Variants in SLFN11 observed in about 807,000 individuals in gnomAD.
SLFN11 encodes the protein schlafen family member 11.
Under a neutral mutation model 53.4 loss-of-function variants are expected in SLFN11, and 43 were observed. The ratio of observed to expected loss-of-function variants is 0.80; its 90% CI spans 0.63 to 1.04. The LOEUF (loss-of-function observed/expected upper bound fraction) is 1.04. Ranked by LOEUF, SLFN11 falls within the 50% of genes least tolerant of loss-of-function variation. The pLI, the probability that SLFN11 is intolerant of heterozygous loss-of-function variation, is 0.00. For missense variants in SLFN11, 990 were observed against 1,079.1 expected (o/e 0.92, Z 1.16); for synonymous variants, 389 against 394.7 (o/e 0.99, Z 0.17).
At chr17:35,354,152 A>C in intron 5 of SLFN11, 93 bp from the exon 6 acceptor site, 1 of 1,117,522 alleles carries the variant, frequency 8.9e-7, no homozygotes. Flanking sequence ...TAACTAAATG[A>C]TTACTTATAG....
At chr17:35,363,858 C>T (rs1297081287) in intron 3 of SLFN11, 32 bp from the exon 4 acceptor site, 6 of 1,459,014 alleles carry the variant, frequency 4.1e-6, no homozygotes, top group East Asian at 2.3e-5. Context: ...TACATGCATG[C>T]AATTCATTTA....
In SLFN11 at chr17:35,351,856, C is replaced by T. The variant is rs1906725211; in HGVS notation, c.*500G>A. 1.3e-5 allele frequency: 2 copies of T among 156,930 alleles called. No individual in the cohort carries two copies. The highest frequency in any genetic ancestry group is 3.8e-4 in the South Asian group (2 of 5,234). The allele number at this position is 156,930 out of a possible 1,614,324, so 9.7% of individuals were successfully genotyped here. A position where few individuals can be genotyped will look rare whatever the true frequency, so the allele number is the denominator to read the frequency against. ...GAATTATCTTCGGACTCTCCCAAGC[C>T]CTAAATGAATACAGCAAAGATAAAT... On this transcript the variant is annotated 3_prime_UTR_variant, in exon 7 of 7. Coordinates refer to ENST00000685675, the MANE Select transcript of SLFN11 (RefSeq NM_001376007.1).
At position 35,352,100 on chromosome 17, in the gene SLFN11, C is replaced by T; in HGVS notation, c.*256G>A. The T allele has an allele frequency of 1.8e-6, 1 of 553,404 alleles. No homozygotes were observed. The allele number at this position is 553,404 out of a possible 1,614,324, so 34.3% of individuals were successfully genotyped here. A position where few individuals can be genotyped will look rare whatever the true frequency, so the allele number is the denominator to read the frequency against. ...ATGCAAGACACAGATCGGCATTGTG[C>T]AGGACAGCTAAAGTTCCTTTAGAAA... is the stretch of plus-strand genomic sequence containing the variant. On this transcript the variant is annotated 3_prime_UTR_variant, in exon 7 of 7. Coordinates refer to ENST00000685675, the MANE Select transcript of SLFN11 (RefSeq NM_001376007.1).
rs1405365030 is a variant in SLFN11 at position 35,351,076 on chromosome 17, T to C, written c.*1280A>G. Reference sequence around the variant, plus strand: ...GAGAAGCTGAAACAACAGAAATTTGTTTCTCACAGTCTGGAGGCTGGAAGT... The same window carrying C: ...GAGAAGCTGAAACAACAGAAATTTGCTTCTCACAGTCTGGAGGCTGGAAGT... On this transcript the variant is annotated 3_prime_UTR_variant, in exon 7 of 7. Coordinates refer to ENST00000685675, the MANE Select transcript of SLFN11 (RefSeq NM_001376007.1). The C allele has an allele frequency of 2.6e-5, 4 of 152,202 alleles. No individual in the cohort carries two copies. The East Asian group carries it at 7.7e-4, about 29-fold the overall frequency. 9.4% of individuals were successfully genotyped at this position (152,202 alleles called of 1,614,324 possible). A position where few individuals can be genotyped will look rare whatever the true frequency, so the allele number is the denominator to read the frequency against.
chr17:35,363,830 T>C lies in SLFN11; in HGVS notation c.-19-4A>G. 1 of 1,530,942 alleles carries C rather than the reference T, an allele frequency of 6.5e-7. No homozygotes were observed. The highest frequency in any genetic ancestry group is 8.8e-7 in the Non-Finnish European group (1 of 1,142,376). The allele number at this position is 1,530,942 out of a possible 1,614,324, so 94.8% of individuals were successfully genotyped here. A position where few individuals can be genotyped will look rare whatever the true frequency, so the allele number is the denominator to read the frequency against. On this transcript the variant is annotated splice_region_variant and splice_polypyrimidine_tract_variant and intron_variant, in intron 3 of 6. Coordinates refer to ENST00000685675, the MANE Select transcript of SLFN11 (RefSeq NM_001376007.1). The stretch of plus-strand genomic sequence containing the variant: ...CATGTTGAACTCACAGCTGAAACTA[T>C]TAGAAGAAATGAAGTGTTACATGCA...
chr17:35,358,898 G>T (rs1907850512), intron 5 of SLFN11, among the ~76,000 whole-genome samples: 1 of 151,858 alleles, frequency 6.6e-6, no homozygotes, highest in African/African-American at 2.4e-5. Flanking sequence ...CATGCCTATA[G>T]TCTTAGCTTC....
intron 2 of SLFN11, 182 bp downstream of exon 2, chr17:35,367,421 A>G (rs1909089879): frequency 6.6e-6 from 1 of 152,170 alleles, no homozygotes; most frequent in Non-Finnish European, 1.5e-5. Context: ...TATAATCAGC[A>G]TCACTTGCAC....
chr17:35,373,021 A>C (rs1018812224), intron 1 of SLFN11, among the ~76,000 whole-genome samples: 7 of 152,018 alleles, frequency 4.6e-5, no homozygotes, highest in Non-Finnish European at 1.0e-4. Context: ...AATAGTTTAG[A>C]GTGGTTGGTC....
Position 35,352,251 on chromosome 17 carries a change from C to G in SLFN11, c.*105G>C. ...TGGGGGAGCTCCAAACTCTTTGTGTCAGCTCCGTCCAAATCTCTGACTTGT... is the reference window on the plus strand; with the variant it reads ...TGGGGGAGCTCCAAACTCTTTGTGTGAGCTCCGTCCAAATCTCTGACTTGT... On this transcript the variant is annotated 3_prime_UTR_variant, in exon 7 of 7. Transcript: ENST00000685675. 1 of 1,414,958 alleles carries G rather than the reference C, an allele frequency of 7.1e-7. No homozygotes were observed. The highest frequency in any genetic ancestry group is 9.6e-7 in the Non-Finnish European group (1 of 1,036,836). 87.7% of individuals were successfully genotyped at this position (1,414,958 alleles called of 1,614,324 possible).
Position 35,352,595 on chromosome 17 carries a change from T to C in SLFN11, c.2467A>G (p.Lys823Glu). The C allele has an allele frequency of 6.2e-7, 1 of 1,614,178 alleles. No individual in the cohort carries two copies. The highest frequency in any genetic ancestry group is 8.5e-7 in the Non-Finnish European group (1 of 1,180,034). Residue 823 changes from lysine (K) to glutamate (E), a missense_variant, in exon 7 of 7, where the codon AAG (lysine) becomes GAG (glutamate). This residue lies in a region of SLFN11 where 313 missense variants were observed against 320.9 expected (regional missense o/e 0.98). Coordinates refer to ENST00000685675, the MANE Select transcript of SLFN11 (RefSeq NM_001376007.1). ...VSTAKEVEHY[K>E]YELLKAMRKK... is the part of the protein sequence containing the mutation. Reference sequence around the variant, plus strand: ...CTCATTGCTTTCAAGAGCTCATACTTATAGTGCTCCACTTCTTTTGCGGTG... The same window carrying C: ...CTCATTGCTTTCAAGAGCTCATACTCATAGTGCTCCACTTCTTTTGCGGTG...
intron 6 of SLFN11, 62 bp from the exon 7 acceptor site, chr17:35,353,201 G>GT: frequency 6.3e-7 from 1 of 1,591,426 alleles, no homozygotes; most frequent in Admixed American, 1.8e-5. Flanking sequence ...GAAAATAATT[G>GT]TATCATGTTC....
intron 5 of SLFN11, among the ~76,000 whole-genome samples, chr17:35,356,385 C>T (rs1907471676): frequency 6.6e-6 from 1 of 151,930 alleles, no homozygotes; most frequent in African/African-American, 2.4e-5. Context: ...TAATATATTC[C>T]TATACCAAAT....
intron 3 of SLFN11, among the ~76,000 whole-genome samples, chr17:35,366,543 T>C (rs910357960): frequency 6.6e-6 from 1 of 151,990 alleles, no homozygotes; most frequent in Non-Finnish European, 1.5e-5. Flanking sequence ...TTTAAAACAA[T>C]CAGTAAATTC....
chr17:35,367,215 T>C (rs1400380364), intron 2 of SLFN11, 152 bp from the exon 3 acceptor site: 2 of 152,154 alleles, frequency 1.3e-5, no homozygotes, highest in African/African-American at 4.8e-5. Context: ...TTGTAAAATA[T>C]TCCTTTCGAT....
In SLFN11 at chr17:35,352,290, AG is replaced by A. The variant is rs1258073960; in HGVS notation, c.*65del. On this transcript the variant is annotated 3_prime_UTR_variant, in exon 7 of 7. Coordinates refer to ENST00000685675, the MANE Select transcript of SLFN11 (RefSeq NM_001376007.1). The stretch of plus-strand genomic sequence containing the variant: ...TCTCTGACTTGTGAACTAAAAAGAA[AG>A]GTTTCTACCATCAGCAGACTGTCAC... The A allele has an allele frequency of 4.5e-6, 7 of 1,554,878 alleles. No individual in the cohort carries two copies. In the African/African-American group the frequency reaches 6.8e-5, roughly 15 times the overall value.
At chr17:35,366,050 C>G (rs1908916613) in intron 3 of SLFN11, among the ~76,000 whole-genome samples, 1 of 152,044 alleles carries the variant, frequency 6.6e-6, no homozygotes, top group Non-Finnish European at 1.5e-5. Flanking sequence ...GTTTTCTTGT[C>G]TTTGCACTTC....
At chr17:35,369,814 T>C (rs1267080395) in intron 1 of SLFN11, among the ~76,000 whole-genome samples, 2 of 151,868 alleles carry the variant, frequency 1.3e-5, no homozygotes, top group Admixed American at 6.6e-5. Context: ...GATTGAACCA[T>C]GAAGAAACCC....
intron 4 of SLFN11, among the ~76,000 whole-genome samples, chr17:35,360,724 C>A (rs1487821612): frequency 6.6e-6 from 1 of 152,150 alleles, no homozygotes; most frequent in African/African-American, 2.4e-5. Context: ...CCCTCTCCAA[C>A]TGCCACCACC....
chr17:35,368,653 C>T (rs1379837726), intron 1 of SLFN11, among the ~76,000 whole-genome samples: 1 of 152,120 alleles, frequency 6.6e-6, no homozygotes, highest in Non-Finnish European at 1.5e-5. Flanking sequence ...TACTGAGATA[C>T]CAGCTGGGGC....
Sources: allele counts gnomAD v4.1 joint callset (sites outside exome capture counted in the v4.1 genomes callset), GRCh38; gene constraint gnomAD v4.1.1; regional missense constraint gnomAD v4.1.1; transcripts MANE v1.5; gene names NCBI Gene and HGNC (gene_info 2026-07-23, HGNC 2026-07-21).